The following COL5A2 variants were observed in gnomAD, a reference collection of about 807,000 sequenced individuals.
COL5A2 encodes collagen alpha-2(V) chain.
COL5A2 carries 23 observed loss-of-function variants against 208.2 expected under a neutral mutation model. The ratio of observed to expected loss-of-function variants is 0.11; its 90% CI spans 0.08 to 0.16. The LOEUF (loss-of-function observed/expected upper bound fraction) is 0.16. Among genes scored for constraint, COL5A2 ranks in the 10% least tolerant of loss-of-function variants. COL5A2 has a pLI of 1.00. For missense variants in COL5A2, 1,590 were observed against 1,956.4 expected, an observed-to-expected ratio of 0.81 and a Z score of 3.53; for synonymous variants, 625 against 628.5, an observed-to-expected ratio of 0.99 and a Z score of 0.08.
chr2:189,057,208 G>A (rs757284516), intron 34 of COL5A2, 112 bp downstream of exon 34: 148 of 979,698 alleles, frequency 1.5e-4, no homozygotes, highest in Non-Finnish European at 2.0e-4. Context: ...AAAAATGAAT[G>A]ACTAGTGACT....
intron 5 of COL5A2, among the ~76,000 whole-genome samples, chr2:189,098,015 C>T (rs1686955725): frequency 6.6e-6 from 1 of 151,278 alleles, no homozygotes. Flanking sequence ...TGTTATTGTG[C>T]TGATATCTTA....
chr2:189,334,984 C>A, the COL5A2 span, among the ~76,000 whole-genome samples: 10 of 151,902 alleles, frequency 6.6e-5, no homozygotes, highest in East Asian at 1.9e-3. Flanking sequence ...GAAATTATAA[C>A]CTACTCTAAA....
intron 1 of COL5A2, among the ~76,000 whole-genome samples, chr2:189,166,089 C>T (rs1438006932): frequency 1.3e-5 from 2 of 152,112 alleles, no homozygotes; most frequent in Non-Finnish European, 2.9e-5. Context: ...CAAGACATCA[C>T]TTAGATATGG....
intron 1 of COL5A2, among the ~76,000 whole-genome samples, chr2:189,134,965 T>A (rs528561152): frequency 1.9e-5 from 1 of 53,890 alleles, no homozygotes; most frequent in East Asian, 6.9e-4. Flanking sequence ...AAGGCATTAA[T>A]TTTAAAGTTT....
intron 11 of COL5A2, among the ~76,000 whole-genome samples, chr2:189,084,357 G>A (rs1198687748): frequency 6.6e-6 from 1 of 152,024 alleles, no homozygotes; most frequent in African/African-American, 2.4e-5. Context: ...GTATGCTATA[G>A]GATATATACT....
At chr2:189,037,427 A>G (rs1685466689) in intron 51 of COL5A2, among the ~76,000 whole-genome samples, 1 of 152,198 alleles carries the variant, frequency 6.6e-6, no homozygotes, top group South Asian at 2.1e-4. Flanking sequence ...TATTATATAA[A>G]TAGTATGTGA....
the COL5A2 span, among the ~76,000 whole-genome samples, chr2:189,434,474 C>A: frequency 1.3e-5 from 2 of 152,188 alleles, no homozygotes; most frequent in African/African-American, 2.4e-5. Context: ...TAAGCAACTT[C>A]AGCAAAGTCT....
chr2:189,426,700 G>A, the COL5A2 span, among the ~76,000 whole-genome samples: 7 of 152,180 alleles, frequency 4.6e-5, no homozygotes, highest in Admixed American at 1.3e-4. Flanking sequence ...GGTCACTTCC[G>A]CTATGCTTTA....
chr2:189,122,106 C>G (rs1049948580), intron 1 of COL5A2, among the ~76,000 whole-genome samples: 1 of 152,158 alleles, frequency 6.6e-6, no homozygotes, highest in Non-Finnish European at 1.5e-5. Context: ...TTTATAAAGT[C>G]ACTCTTTTAA....
chr2:189,127,809 G>A (rs1367692375), intron 1 of COL5A2, among the ~76,000 whole-genome samples: 1 of 151,742 alleles, frequency 6.6e-6, no homozygotes, highest in Non-Finnish European at 1.5e-5. Flanking sequence ...CTCCTTATAG[G>A]GCCTATCAGA....
At chr2:189,360,060 T>C in the COL5A2 span, among the ~76,000 whole-genome samples, 93 of 152,282 alleles carry the variant, frequency 6.1e-4, no homozygotes, top group East Asian at 1.9e-4. Flanking sequence ...ATTTTTGCTC[T>C]AATCTTTATT....
chr2:189,423,545 C>A, the COL5A2 span, among the ~76,000 whole-genome samples: 2 of 151,744 alleles, frequency 1.3e-5, no homozygotes, highest in African/African-American at 2.4e-5. Context: ...AAAAATATCA[C>A]AGTGGATAAC....
chr2:189,097,394 T>C, intron 5 of COL5A2, 64 bp from the exon 6 acceptor site: 3 of 1,560,050 alleles, frequency 1.9e-6, no homozygotes, highest in South Asian at 1.1e-5. Flanking sequence ...TTTTTAAAAG[T>C]CTACTTGATA....
At chr2:189,308,992 T>C in the COL5A2 span, among the ~76,000 whole-genome samples, 1 of 152,124 alleles carries the variant, frequency 6.6e-6, no homozygotes, top group African/African-American at 2.4e-5. Flanking sequence ...AGTTTGATTC[T>C]TTTTGTCAAC....
At chr2:189,271,542 A>T in the COL5A2 span, among the ~76,000 whole-genome samples, 3 of 152,210 alleles carry the variant, frequency 2.0e-5, no homozygotes, top group Non-Finnish European at 4.4e-5. Context: ...TTAAGACCTA[A>T]AACCATAAAA....
the COL5A2 span, among the ~76,000 whole-genome samples, chr2:189,318,411 C>A: frequency 6.6e-6 from 1 of 152,254 alleles, no homozygotes; most frequent in East Asian, 1.9e-4. Context: ...CTATGCCAGC[C>A]TTGAATTAGC....
chr2:189,219,752 TGAA>T (rs1211380469), intron 1 of COL5A2, among the ~76,000 whole-genome samples: 1 of 152,058 alleles, frequency 6.6e-6, no homozygotes, highest in East Asian at 1.9e-4. Context: ...CTTGAGTTAG[TGAA>T]ATAAGCTGTG....
At chr2:189,143,200 G>C (rs1687969463) in intron 1 of COL5A2, among the ~76,000 whole-genome samples, 1 of 152,112 alleles carries the variant, frequency 6.6e-6, no homozygotes, top group Admixed American at 6.6e-5. Flanking sequence ...TCCAACTGAG[G>C]GGGCCAGTGG....
At chr2:189,105,703 G>T (rs1167051144) in intron 2 of COL5A2, among the ~76,000 whole-genome samples, 1 of 151,250 alleles carries the variant, frequency 6.6e-6, no homozygotes, top group African/African-American at 2.4e-5. Flanking sequence ...TCTGGGCTTT[G>T]AGTCAGAATT....
Sources: gnomAD v4.1 joint callset for allele counts (sites outside exome capture counted in the v4.1 genomes callset) on GRCh38, gnomAD v4.1.1 for gene constraint, MANE v1.5 for transcripts, NCBI Gene and HGNC (gene_info 2026-07-23, HGNC 2026-07-21) for gene names.